The following PCDH11X variants were observed in gnomAD, a reference collection of about 807,000 sequenced individuals.
PCDH11X encodes the protein protocadherin-11 X-linked.
A neutral mutation model predicts 53.3 loss-of-function variants in PCDH11X; 18 were observed. That is an observed-to-expected ratio of 0.34 (90% CI 0.23 to 0.50). The LOEUF (loss-of-function observed/expected upper bound fraction) is 0.50. Among genes scored for constraint, PCDH11X ranks in the 20% least tolerant of loss-of-function variants. The pLI, the probability that PCDH11X is intolerant of heterozygous loss-of-function variation, is 0.98. For synonymous variants in PCDH11X, 279 were observed against 393.3 expected (o/e 0.71, Z 3.44); for missense variants, 570 against 1,032.4 (o/e 0.55, Z 6.14).
At chrX:92,176,936 G>A (rs1026773189) in intron 6 of PCDH11X, among the ~76,000 whole-genome samples, 1 of 109,793 alleles carries the variant, frequency 9.1e-6, no homozygotes, top group African/African-American at 3.3e-5. Flanking sequence ...GATATTTTAA[G>A]CATTAAAGTA....
chrX:92,206,706 T>C (rs1461931114), intron 7 of PCDH11X, among the ~76,000 whole-genome samples: 1 of 110,183 alleles, frequency 9.1e-6, no homozygotes, highest in Non-Finnish European at 1.9e-5. Context: ...TTTGTATTTA[T>C]AGTAGAGACA....
rs780458849 is a variant in PCDH11X at position 92,299,847 on chromosome X, C to T, written c.3144+36704C>T. 1.2e-3 allele frequency among the ~76,000 whole-genome samples: 133 copies of T among 108,617 alleles called. 1 individual carries two copies. Among genetic ancestry groups the T allele is most frequent in the African/African-American group, 4.2e-3 (125 of 29,864 alleles). 94.3% of individuals were successfully genotyped at this position (108,617 alleles called of 115,157 possible). The stretch of plus-strand genomic sequence containing the variant: ...ATTTTGGATATTTCTTTTCTGATAG[C>T]TTTGTGGTTGGTTTGCTCTAGTTTC... On this transcript the variant is annotated intron_variant, in intron 8 of 10. Coordinates refer to ENST00000682573, the MANE Select transcript of PCDH11X (RefSeq NM_032968.5).
At chrX:92,312,546 C>T (rs12840242) in intron 8 of PCDH11X, among the ~76,000 whole-genome samples, 18,719 of 109,557 alleles carry the variant, frequency 0.17, 1,302 homozygotes, top group Non-Finnish European at 0.21. Context: ...ATATCACTGA[C>T]GTAAATACTC....
In PCDH11X at chrX:92,334,797, T is replaced by A. The variant is rs1305177474; in HGVS notation, c.3145-52938T>A. On this transcript the variant is annotated intron_variant, in intron 8 of 10. Transcript: ENST00000682573. Reference sequence around the variant, plus strand: ...TAAATGAATCTTCTCTTCCTTATGATTTTCTTAATAAGGTTTTCTTTTCTC... The same window carrying A: ...TAAATGAATCTTCTCTTCCTTATGAATTTCTTAATAAGGTTTTCTTTTCTC... Among the ~76,000 whole-genome samples, 3 of 111,594 alleles carry A rather than the reference T, an allele frequency of 2.7e-5. No homozygotes were observed. In the Admixed American group the frequency reaches 2.9e-4, roughly 11 times the overall value.
intron 9 of PCDH11X, among the ~76,000 whole-genome samples, chrX:92,452,463 G>GTGTATATATATATA (rs1415846958): frequency 2.0e-4 from 9 of 44,709 alleles, no homozygotes; most frequent in African/African-American, 7.5e-4. Context: ...GTGTGTGTGT[G>GTGTATATATATATA]TATATATATA....
chrX:91,800,243 G>A (rs1343037393), intron 1 of PCDH11X, among the ~76,000 whole-genome samples: 2 of 110,579 alleles, frequency 1.8e-5, no homozygotes, highest in Non-Finnish European at 3.8e-5. Context: ...TTTTACTGCA[G>A]TTCACTCTGT....
intron 6 of PCDH11X, among the ~76,000 whole-genome samples, chrX:91,949,628 G>C (rs1441253466): frequency 2.7e-5 from 3 of 110,176 alleles, no homozygotes; most frequent in African/African-American, 9.9e-5. Flanking sequence ...TCGGCTTCTA[G>C]CGCTGTTTTC....
chrX:92,275,268 A>G (rs1358698103), intron 8 of PCDH11X, among the ~76,000 whole-genome samples: 2 of 103,786 alleles, frequency 1.9e-5, no homozygotes, highest in South Asian at 8.9e-4. Flanking sequence ...AACCATGCCT[A>G]GGAAGGAAAG....
chrX:92,209,298 C>T (rs990152387), intron 7 of PCDH11X, among the ~76,000 whole-genome samples: 4 of 111,389 alleles, frequency 3.6e-5, no homozygotes, highest in Non-Finnish European at 3.8e-5. Flanking sequence ...ACTATTAATC[C>T]GTAAAATTTT....
At chrX:92,001,291 T>C (rs1449748659) in intron 6 of PCDH11X, among the ~76,000 whole-genome samples, 2 of 111,260 alleles carry the variant, frequency 1.8e-5, no homozygotes, top group African/African-American at 6.5e-5. Flanking sequence ...TGAGATGATA[T>C]CTCATTGTAG....
At chrX:92,121,383 T>C (rs1394330183) in intron 6 of PCDH11X, among the ~76,000 whole-genome samples, 3 of 111,809 alleles carry the variant, frequency 2.7e-5, no homozygotes, top group African/African-American at 9.8e-5. Flanking sequence ...CTCGAACTCC[T>C]GACCTCAGGT....
chrX:92,370,656 C>T (rs1358731252), intron 8 of PCDH11X, among the ~76,000 whole-genome samples: 1 of 110,130 alleles, frequency 9.1e-6, no homozygotes, highest in Non-Finnish European at 1.9e-5. Context: ...GACGGGGTTT[C>T]ACTATGTTGG....
At chrX:91,973,829 G>A (rs1437835934) in intron 6 of PCDH11X, among the ~76,000 whole-genome samples, 1 of 109,858 alleles carries the variant, frequency 9.1e-6, no homozygotes, top group Non-Finnish European at 1.9e-5. Context: ...TGGCCAGGCT[G>A]GTCTCGAACT....
chrX:91,898,843 T>A, intron 6 of PCDH11X, among the ~76,000 whole-genome samples: 1 of 110,227 alleles, frequency 9.1e-6, no homozygotes, highest in Non-Finnish European at 1.9e-5. Context: ...ATTGTTGAGG[T>A]TTAGCTTTCC....
chrX:91,800,146 C>T (rs1344863717), intron 1 of PCDH11X, among the ~76,000 whole-genome samples: 1 of 110,556 alleles, frequency 9.0e-6, no homozygotes, highest in African/African-American at 3.3e-5. Flanking sequence ...TCTCCACTTT[C>T]TCTTTTCCTT....
intron 7 of PCDH11X, among the ~76,000 whole-genome samples, chrX:92,261,662 A>G (rs2067718375): frequency 8.9e-6 from 1 of 112,361 alleles, no homozygotes; most frequent in Admixed American, 9.4e-5. Context: ...GTGTTTCTAT[A>G]AAACAGAAAA....
intron 6 of PCDH11X, among the ~76,000 whole-genome samples, chrX:92,137,043 C>A (rs1332295250): frequency 9.6e-6 from 1 of 104,388 alleles, no homozygotes; most frequent in Non-Finnish European, 1.9e-5. Flanking sequence ...AGTGCAGTGG[C>A]TATTCAAAGG....
At chrX:92,185,159 T>A (rs1239913151) in intron 6 of PCDH11X, among the ~76,000 whole-genome samples, 1 of 110,771 alleles carries the variant, frequency 9.0e-6, no homozygotes, top group African/African-American at 3.3e-5. Flanking sequence ...GGCAGGAGAA[T>A]CACTTGAGAC....
chrX:92,489,344 G>T (rs890488519), intron 10 of PCDH11X, among the ~76,000 whole-genome samples: 1 of 110,594 alleles, frequency 9.0e-6, no homozygotes, highest in Admixed American at 9.7e-5. Context: ...GCTCTGAGCC[G>T]AAATGTTTGC....
Sources: gnomAD v4.1 joint callset for allele counts (sites outside exome capture counted in the v4.1 genomes callset) on GRCh38, gnomAD v4.1.1 for gene constraint, MANE v1.5 for transcripts, NCBI Gene and HGNC (gene_info 2026-07-23, HGNC 2026-07-21) for gene names.